GAB2: variants seen among roughly 807,000 people sequenced by gnomAD.
GAB2 encodes the protein GRB2-associated-binding protein 2.
A neutral mutation model predicts 65.5 loss-of-function variants in GAB2; 26 were observed. The observed-to-expected ratio is 0.40, with a 90% CI of 0.29 to 0.55. GAB2 has a LOEUF of 0.55. Ranked by LOEUF, GAB2 falls within the 20% of genes least tolerant of loss-of-function variation. GAB2 has a pLI of 0.53. For synonymous variants in GAB2, 321 were observed against 329.6 expected, an observed-to-expected ratio of 0.97 and a Z score of 0.28; for missense variants, 884 against 875.8, an observed-to-expected ratio of 1.01 and a Z score of -0.12.
At chr11:78,372,452 T>C (rs924905761) in intron 1 of GAB2, among the ~76,000 whole-genome samples, 4 of 152,160 alleles carry the variant, frequency 2.6e-5, no homozygotes, top group African/African-American at 4.8e-5. Flanking sequence ...ACATCTAAGG[T>C]TGGTATTATT....
At chr11:78,220,536 C>T in intron 8 of GAB2, 92 bp from the exon 9 acceptor site, 1 of 1,118,374 alleles carries the variant, frequency 8.9e-7, no homozygotes, top group Non-Finnish European at 1.3e-6. Context: ...AACACTGTTT[C>T]CCTGAGCCCT....
intron 3 of GAB2, among the ~76,000 whole-genome samples, chr11:78,241,665 A>T (rs1865138767): frequency 6.6e-6 from 1 of 152,200 alleles, no homozygotes; most frequent in Non-Finnish European, 1.5e-5. Flanking sequence ...ATGAAATAAA[A>T]AACACAACAG....
In GAB2 at chr11:78,294,442, T is replaced by G. The variant is rs150379957; in HGVS notation, c.76-13541A>C. Among the ~76,000 whole-genome samples, 697 of 152,312 alleles carry G rather than the reference T, an allele frequency of 4.6e-3. 4 individuals are homozygous for G. The highest frequency in any genetic ancestry group is 0.016 in the African/African-American group (673 of 41,576). On this transcript the variant is annotated intron_variant, in intron 1 of 9. Coordinates refer to ENST00000361507, the MANE Select transcript of GAB2 (RefSeq NM_080491.3). ...TTGGGTATATACCCAGTAATGGGAT[T>G]GCTGGGTCAAATGGCATTTCTAGTT...
chr11:78,309,694 G>A (rs568650518), intron 1 of GAB2, among the ~76,000 whole-genome samples: 15 of 152,180 alleles, frequency 9.9e-5, no homozygotes, highest in Admixed American at 9.8e-4. Context: ...ACTGGTCTCA[G>A]CAGTTCAATC....
chr11:78,300,790 G>A (rs1392691636), intron 1 of GAB2, among the ~76,000 whole-genome samples: 3 of 148,906 alleles, frequency 2.0e-5, no homozygotes, highest in Non-Finnish European at 4.4e-5. Flanking sequence ...TGTCTCCCAG[G>A]TTCAAGCAAT....
chr11:78,283,064 A>G (rs562326367), intron 1 of GAB2, among the ~76,000 whole-genome samples: 16 of 152,154 alleles, frequency 1.1e-4, no homozygotes, highest in Non-Finnish European at 1.9e-4. Context: ...GTGGCCCCTC[A>G]TGTTGCCCAA....
chr11:78,356,190 A>G (rs1856357068), intron 1 of GAB2, among the ~76,000 whole-genome samples: 1 of 151,622 alleles, frequency 6.6e-6, no homozygotes, highest in Admixed American at 6.6e-5. Flanking sequence ...AAGAAAAAAA[A>G]AAAAAAGACA....
intron 1 of GAB2, among the ~76,000 whole-genome samples, chr11:78,390,441 T>C (rs530601876): frequency 1.3e-5 from 2 of 152,218 alleles, no homozygotes; most frequent in South Asian, 2.1e-4. Context: ...AAATAAAAAT[T>C]AGCTGAGTAT....
At chr11:78,319,871 C>CT (rs59307063) in intron 1 of GAB2, among the ~76,000 whole-genome samples, 11,247 of 145,662 alleles carry the variant, frequency 0.077, 1,333 homozygotes, top group African/African-American at 0.26. Context: ...AAGAAACAGA[C>CT]TTTTTTTTTT....
chr11:78,391,465 G>A (rs1856833015), intron 1 of GAB2, among the ~76,000 whole-genome samples: 1 of 152,126 alleles, frequency 6.6e-6, no homozygotes, highest in African/African-American at 2.4e-5. Flanking sequence ...CTAAGGCTAG[G>A]TCACTAAAAA....
At chr11:78,268,052 TGTGCCAG>T (rs1865913950) in intron 2 of GAB2, among the ~76,000 whole-genome samples, 1 of 152,052 alleles carries the variant, frequency 6.6e-6, no homozygotes, top group Admixed American at 6.6e-5. Context: ...CCTCACATTG[TGTGCCAG>T]CCTTCCCAAG....
chr11:78,295,217 TG>T (rs1866794170), intron 1 of GAB2, among the ~76,000 whole-genome samples: 2 of 152,218 alleles, frequency 1.3e-5, no homozygotes, highest in South Asian at 4.2e-4. Flanking sequence ...AATGGCGAAA[TG>T]TGAGTCTTAA....
chr11:78,220,236 T>C (rs1864352842), intron 9 of GAB2, 83 bp downstream of exon 9: 3 of 1,458,430 alleles, frequency 2.1e-6, no homozygotes, highest in Non-Finnish European at 9.5e-7. Context: ...TGCTGTTCAG[T>C]GTTGAAGGCA....
chr11:78,348,635 G>C (rs1856227589), intron 1 of GAB2, among the ~76,000 whole-genome samples: 1 of 152,198 alleles, frequency 6.6e-6, no homozygotes, highest in Admixed American at 6.5e-5. Flanking sequence ...ATACACTGTT[G>C]ATAGGAAAGT....
chr11:78,323,582 A>G (rs1855766309), intron 1 of GAB2, among the ~76,000 whole-genome samples: 1 of 151,742 alleles, frequency 6.6e-6, no homozygotes, highest in Non-Finnish European at 1.5e-5. Context: ...TGGGAGCTAA[A>G]TATTGGGTAT....
In GAB2 at chr11:78,219,314, G is replaced by A. The variant is rs145964223; in HGVS notation, c.1989C>T (p.Asp663=). 376 of 1,613,952 alleles carry A rather than the reference G, an allele frequency of 2.3e-4. No individual in the cohort carries two copies. The African/African-American group carries it at 4.4e-3, about 19-fold the overall frequency. The part of the protein sequence containing the change: ...ALQNTMQEWT[D]VRQSSEPSKG... ...TGGAAGGCTCTGAGGACTGCCGCACGTCTGTCCACTCCTGCATGGTGTTCT... is the reference window on the plus strand; with the variant it reads ...TGGAAGGCTCTGAGGACTGCCGCACATCTGTCCACTCCTGCATGGTGTTCT... Residue 663 remains aspartate (D), a synonymous_variant, in exon 10 of 10, where the codon GAC becomes GAT. Coordinates refer to ENST00000361507, the MANE Select transcript of GAB2 (RefSeq NM_080491.3).
At chr11:78,254,766 T>C (rs374473249) in intron 2 of GAB2, among the ~76,000 whole-genome samples, 1 of 150,922 alleles carries the variant, frequency 6.6e-6, no homozygotes, top group African/African-American at 2.4e-5. Context: ...GCCACTGCAA[T>C]CAGCCAAGAT....
chr11:78,301,648 T>C (rs1353041331), intron 1 of GAB2, among the ~76,000 whole-genome samples: 1 of 152,244 alleles, frequency 6.6e-6, no homozygotes, highest in East Asian at 1.9e-4. Flanking sequence ...TGGTATCTTT[T>C]AAAGAACAAA....
intron 1 of GAB2, among the ~76,000 whole-genome samples, chr11:78,365,892 G>C (rs1856490068): frequency 6.6e-6 from 1 of 152,332 alleles, no homozygotes; most frequent in Non-Finnish European, 1.5e-5. Context: ...CTCTATGGAG[G>C]CATCAGAATT....
Sources: allele counts gnomAD v4.1 joint callset (sites outside exome capture counted in the v4.1 genomes callset), GRCh38; gene constraint gnomAD v4.1.1; transcripts MANE v1.5; gene names NCBI Gene and HGNC (gene_info 2026-07-23, HGNC 2026-07-21).